Variants in PLXDC2 observed in about 807,000 individuals in gnomAD.
PLXDC2 encodes plexin domain containing 2, also known as plexin domain-containing protein 2.
In PLXDC2, 40 loss-of-function variants were observed where a neutral mutation model predicts 68.9. The ratio of observed to expected loss-of-function variants is 0.58; its 90% CI spans 0.45 to 0.76. The LOEUF (loss-of-function observed/expected upper bound fraction) is 0.76. Among genes scored for constraint, PLXDC2 ranks in the 30% least tolerant of loss-of-function variants. The pLI is 0.00. For synonymous variants in PLXDC2, 243 were observed against 234.2 expected (o/e 1.04, Z -0.34); for missense variants, 644 against 661.9 (o/e 0.97, Z 0.30).
intron 1 of PLXDC2, among the ~76,000 whole-genome samples, chr10:19,875,004 G>T (rs1195480241): frequency 6.6e-6 from 1 of 152,136 alleles, no homozygotes; most frequent in Non-Finnish European, 1.5e-5. Context: ...TCATGGGGCA[G>T]ATGATTCATC....
At chr10:19,860,430 C>G (rs935489427) in intron 1 of PLXDC2, among the ~76,000 whole-genome samples, 1 of 151,922 alleles carries the variant, frequency 6.6e-6, no homozygotes, top group Non-Finnish European at 1.5e-5. Flanking sequence ...GATGAATGAG[C>G]GAAAGAAATC....
chr10:20,242,729 G>A (rs1381256697), intron 12 of PLXDC2, among the ~76,000 whole-genome samples: 2 of 152,108 alleles, frequency 1.3e-5, no homozygotes, highest in East Asian at 3.9e-4. Context: ...CCTTTTTTAT[G>A]AGGTGGAGTC....
At chr10:19,965,310 T>C (rs1271404377) in intron 1 of PLXDC2, among the ~76,000 whole-genome samples, 1 of 152,204 alleles carries the variant, frequency 6.6e-6, no homozygotes, top group Non-Finnish European at 1.5e-5. Context: ...GAAGGAGTTC[T>C]ACCATAATCA....
chr10:20,024,996 C>T (rs966341305), intron 2 of PLXDC2, among the ~76,000 whole-genome samples: 1 of 152,098 alleles, frequency 6.6e-6, no homozygotes, highest in African/African-American at 2.4e-5. Flanking sequence ...GATTCTGTGT[C>T]TTTGCTATTG....
chr10:20,127,557 C>G (rs1214015109), intron 4 of PLXDC2, among the ~76,000 whole-genome samples: 1 of 152,084 alleles, frequency 6.6e-6, no homozygotes, highest in Non-Finnish European at 1.5e-5. Context: ...TCAACATGTA[C>G]AATAAGGTAT....
chr10:20,273,551 C>T (rs550677898), intron 13 of PLXDC2, among the ~76,000 whole-genome samples: 1 of 152,218 alleles, frequency 6.6e-6, no homozygotes, highest in Non-Finnish European at 1.5e-5. Context: ...TACATAGACA[C>T]ACATATATAC....
intron 4 of PLXDC2, among the ~76,000 whole-genome samples, chr10:20,097,630 G>T (rs866193442): frequency 3.3e-5 from 5 of 151,724 alleles, no homozygotes; most frequent in African/African-American, 9.7e-5. Flanking sequence ...ATCAAAACCC[G>T]GTAAGATATC....
chr10:19,837,272 A>G (rs1836811710), intron 1 of PLXDC2, among the ~76,000 whole-genome samples: 1 of 152,168 alleles, frequency 6.6e-6, no homozygotes, highest in Non-Finnish European at 1.5e-5. Context: ...TACAAACAAG[A>G]ACAAAAGTTA....
intron 2 of PLXDC2, among the ~76,000 whole-genome samples, chr10:20,017,123 AG>A: frequency 6.6e-6 from 1 of 152,330 alleles, no homozygotes; most frequent in South Asian, 2.1e-4. Context: ...AGAAACGAGA[AG>A]CACCTTACTG....
At chr10:19,900,201 A>T (rs1321415064) in intron 1 of PLXDC2, among the ~76,000 whole-genome samples, 1 of 152,342 alleles carries the variant, frequency 6.6e-6, no homozygotes, top group East Asian at 1.9e-4. Flanking sequence ...ATAAGATTGA[A>T]GTACAAATAG....
intron 4 of PLXDC2, among the ~76,000 whole-genome samples, chr10:20,074,321 C>T (rs1466880805): frequency 9.2e-5 from 14 of 152,126 alleles, no homozygotes. Context: ...AATACCTGTA[C>T]ATATCTGAAA....
At chr10:20,237,313 A>G (rs935626913) in intron 12 of PLXDC2, among the ~76,000 whole-genome samples, 2 of 152,320 alleles carry the variant, frequency 1.3e-5, no homozygotes, top group Admixed American at 1.3e-4. Context: ...CCACTCCAAT[A>G]CTGGAATAAT....
rs148826797 is a variant in PLXDC2 at position 19,858,941 on chromosome 10, A to G, written c.112+41750A>G. Among the ~76,000 whole-genome samples the G allele has an allele frequency of 8.0e-3, 1,217 of 152,054 alleles. 27 individuals are homozygous for G. Among genetic ancestry groups the G allele is most frequent in the African/African-American group, 0.028 (1,153 of 41,470 alleles). On this transcript the variant is annotated intron_variant, in intron 1 of 13. Coordinates refer to ENST00000377252, the MANE Select transcript of PLXDC2 (RefSeq NM_032812.9). ...AAAAAAGCATGGCGCCAACATCTACATCTGATGAAGGCTTCAGGAAGCTTC... is the reference window on the plus strand; with the variant it reads ...AAAAAAGCATGGCGCCAACATCTACGTCTGATGAAGGCTTCAGGAAGCTTC...
chr10:20,031,245 C>A (rs892005823), intron 2 of PLXDC2, among the ~76,000 whole-genome samples: 1 of 151,992 alleles, frequency 6.6e-6, no homozygotes, highest in African/African-American at 2.4e-5. Context: ...TGTCATGTGC[C>A]TGTAGTCCCA....
intron 10 of PLXDC2, among the ~76,000 whole-genome samples, chr10:20,215,209 G>A (rs541039202): frequency 2.0e-5 from 3 of 151,944 alleles, no homozygotes; most frequent in African/African-American, 4.8e-5. Context: ...ACCAAGACAG[G>A]GGAGTGGACA....
intron 1 of PLXDC2, among the ~76,000 whole-genome samples, chr10:19,861,075 C>T (rs1837311940): frequency 6.6e-6 from 1 of 150,462 alleles, no homozygotes; most frequent in African/African-American, 2.5e-5. Flanking sequence ...TGCTCTGTCT[C>T]TCAGGCTGGA....
chr10:20,261,185 TAC>T (rs1835804841), intron 13 of PLXDC2, among the ~76,000 whole-genome samples: 1 of 152,212 alleles, frequency 6.6e-6, no homozygotes, highest in Non-Finnish European at 1.5e-5. Context: ...ATAGAAGCGT[TAC>T]AGTTTTATGT....
At chr10:20,123,549 A>G (rs906423939) in intron 4 of PLXDC2, among the ~76,000 whole-genome samples, 28 of 152,188 alleles carry the variant, frequency 1.8e-4, no homozygotes, top group African/African-American at 6.0e-4. Flanking sequence ...AGATGCTTAG[A>G]TTTTAGGTCA....
At position 19,973,221 on chromosome 10, in the gene PLXDC2, C is replaced by T. The variant is rs560798438; in HGVS notation, c.113-28554C>T. Among the ~76,000 whole-genome samples, 13 of 148,632 alleles carry T rather than the reference C, an allele frequency of 8.7e-5. No individual in the cohort carries two copies. The South Asian group carries it at 1.9e-3, about 22-fold the overall frequency. On this transcript the variant is annotated intron_variant, in intron 1 of 13. Coordinates refer to ENST00000377252, the MANE Select transcript of PLXDC2 (RefSeq NM_032812.9). The stretch of plus-strand genomic sequence containing the variant: ...TTTGATTAACTTTCTTCAAGATCTG[C>T]GTATATATATGTATATACACACATA...
Sources: allele counts gnomAD v4.1 joint callset (sites outside exome capture counted in the v4.1 genomes callset), GRCh38; gene constraint gnomAD v4.1.1; transcripts MANE v1.5; gene names NCBI Gene and HGNC (gene_info 2026-07-23, HGNC 2026-07-21).